The following PACRG variants were observed in gnomAD, a reference collection of about 807,000 sequenced individuals.
The protein encoded by PACRG is parkin coregulated.
Under a neutral mutation model 29.7 loss-of-function variants are expected in PACRG, and 29 were observed. The ratio of observed to expected loss-of-function variants is 0.98; its 90% CI spans 0.73 to 1.33. The LOEUF (loss-of-function observed/expected upper bound fraction) is 1.33, where lower values mean the gene tolerates loss of function less well. Among genes scored for constraint, PACRG ranks in the 40% most tolerant of loss-of-function variants. PACRG has a pLI of 0.00. For synonymous variants in PACRG, 116 were observed against 118.7 expected (o/e 0.98, Z 0.15); for missense variants, 279 against 316.2 (o/e 0.88, Z 0.89).
chr6:162,727,563 A>T, upstream of PACRG: 1 of 1,297,880 alleles, frequency 7.7e-7, no homozygotes, highest in Non-Finnish European at 1.1e-6. Flanking sequence ...CGTCATTGAC[A>T]GTTGGCACCG....
intron 2 of PACRG, among the ~76,000 whole-genome samples, chr6:162,920,251 T>C (rs925380172): frequency 2.6e-5 from 4 of 152,140 alleles, no homozygotes; most frequent in Admixed American, 2.6e-4. Flanking sequence ...CTACTATCTT[T>C]AGGACCTTGC....
chr6:163,106,232 A>G (rs190192171), intron 4 of PACRG, among the ~76,000 whole-genome samples: 81 of 152,314 alleles, frequency 5.3e-4, no homozygotes, highest in African/African-American at 1.9e-3. Context: ...ATAAAAAGTG[A>G]TAACTTGTAC....
At chr6:163,042,782 A>G (rs1475880771) in intron 2 of PACRG, 1 of 152,068 alleles carries the variant, frequency 6.6e-6, no homozygotes, top group Non-Finnish European at 1.5e-5. Flanking sequence ...CAGAGATTCT[A>G]CTACACAGAT....
chr6:163,262,869 C>G (rs562116339), intron 4 of PACRG, among the ~76,000 whole-genome samples: 18 of 147,088 alleles, frequency 1.2e-4, no homozygotes, highest in Admixed American at 8.9e-4. Context: ...TAGTGAGACC[C>G]CCCCCCCCAT....
intron 4 of PACRG, among the ~76,000 whole-genome samples, chr6:163,264,670 C>T (rs1249778364): frequency 1.3e-5 from 2 of 152,112 alleles, no homozygotes; most frequent in Admixed American, 6.6e-5. Flanking sequence ...GGTATATACA[C>T]GGTGAGGGCA....
intron 2 of PACRG, among the ~76,000 whole-genome samples, chr6:163,024,334 CT>C (rs1259194051): frequency 6.6e-6 from 1 of 152,130 alleles, no homozygotes; most frequent in Non-Finnish European, 1.5e-5. Flanking sequence ...ATAGATAGTC[CT>C]TTCCCCATTG....
At chr6:162,821,017 T>G (rs1209866170) in intron 2 of PACRG, among the ~76,000 whole-genome samples, 1 of 152,250 alleles carries the variant, frequency 6.6e-6, no homozygotes, top group Non-Finnish European at 1.5e-5. Flanking sequence ...GCCATTCTTT[T>G]ATTTGATGTA....
rs1348450126 is a variant in PACRG at position 162,745,446 on chromosome 6, A to T, written c.156+17055A>T. 2.0e-5 allele frequency among the ~76,000 whole-genome samples: 3 copies of T among 152,284 alleles called. No homozygotes were observed. In the East Asian group the frequency reaches 5.8e-4, roughly 29 times the overall value. ...AATAGCTAATGCATACGGGGCTTAA[A>T]ATCTAGATTTTGATTGATAGGTGCA... is the stretch of plus-strand genomic sequence containing the variant. On this transcript the variant is annotated intron_variant, in intron 1 of 4. Transcript: ENST00000366888.
intron 2 of PACRG, among the ~76,000 whole-genome samples, chr6:162,990,073 AT>A (rs1374524404): frequency 1.3e-5 from 2 of 150,714 alleles, no homozygotes; most frequent in African/African-American, 2.4e-5. Context: ...TGAACTCATC[AT>A]TTTTTATGGC....
intron 1 of PACRG, among the ~76,000 whole-genome samples, chr6:162,731,394 C>CTT (rs545896238): frequency 6.7e-6 from 1 of 148,942 alleles, no homozygotes; most frequent in Non-Finnish European, 1.5e-5. Flanking sequence ...CATGTACAGA[C>CTT]TTTTTTTTTT....
At chr6:163,042,343 G>A (rs892249797) in intron 2 of PACRG, among the ~76,000 whole-genome samples, 5 of 152,166 alleles carry the variant, frequency 3.3e-5, no homozygotes, top group Non-Finnish European at 7.3e-5. Context: ...GCGATGCTTG[G>A]TCTTCTCCAG....
At chr6:163,182,994 T>G (rs974196384) in intron 4 of PACRG, 2 of 152,198 alleles carry the variant, frequency 1.3e-5, no homozygotes, top group Non-Finnish European at 2.9e-5. Context: ...TGGATAGGAT[T>G]TAAATAGTTT....
intron 1 of PACRG, among the ~76,000 whole-genome samples, chr6:162,773,023 T>A (rs919689702): frequency 4.6e-5 from 7 of 150,870 alleles, no homozygotes; most frequent in Admixed American, 6.6e-5. Context: ...AGATGAAGAA[T>A]GGATTTAGAA....
chr6:163,078,306 G>T (rs1486295572), intron 3 of PACRG, among the ~76,000 whole-genome samples: 1 of 152,112 alleles, frequency 6.6e-6, no homozygotes, highest in African/African-American at 2.4e-5. Flanking sequence ...TTCAAAACCA[G>T]CCTGGTCAAC....
At chr6:163,042,163 C>G (rs1199070577) in intron 2 of PACRG, among the ~76,000 whole-genome samples, 1 of 152,058 alleles carries the variant, frequency 6.6e-6, no homozygotes, top group East Asian at 1.9e-4. Flanking sequence ...TGCGCCTGGC[C>G]ACACATATTG....
intron 1 of PACRG, among the ~76,000 whole-genome samples, chr6:162,796,921 C>T (rs185622419): frequency 6.6e-6 from 1 of 152,316 alleles, no homozygotes; most frequent in African/African-American, 2.4e-5. Flanking sequence ...AAGCTTGTCT[C>T]CAAAGAGTTT....
chr6:162,837,402 G>C (rs1373954285), intron 2 of PACRG, among the ~76,000 whole-genome samples: 1 of 152,100 alleles, frequency 6.6e-6, no homozygotes, highest in Admixed American at 6.6e-5. Flanking sequence ...AGTTGGAGTG[G>C]AAAGATGGTG....
chr6:162,841,377 T>C (rs1405549808), intron 2 of PACRG, among the ~76,000 whole-genome samples: 3 of 152,050 alleles, frequency 2.0e-5, no homozygotes, highest in African/African-American at 7.2e-5. Context: ...TCTAGTTTAT[T>C]TGCATAGAGG....
chr6:162,929,760 G>A (rs1244402841), intron 2 of PACRG, among the ~76,000 whole-genome samples: 1 of 151,962 alleles, frequency 6.6e-6, no homozygotes, highest in African/African-American at 2.4e-5. Context: ...TTTGTAGATG[G>A]TGAGAGGTAG....
Sources: gnomAD v4.1 joint callset for allele counts (sites outside exome capture counted in the v4.1 genomes callset) on GRCh38, gnomAD v4.1.1 for gene constraint, MANE v1.5 for transcripts, NCBI Gene and HGNC (gene_info 2026-07-23, HGNC 2026-07-21) for gene names.